RPGR: variants seen among roughly 807,000 people sequenced by gnomAD.
RPGR encodes retinitis pigmentosa GTPase regulator.
RPGR carries 10 observed loss-of-function variants against 56.3 expected under a neutral mutation model. The ratio of observed to expected loss-of-function variants is 0.18; its 90% confidence interval spans 0.11 to 0.30. The LOEUF (loss-of-function observed/expected upper bound fraction) is 0.30. Among genes scored for constraint, RPGR ranks in the 10% least tolerant of loss-of-function variants. The pLI, the probability that RPGR is intolerant of heterozygous loss-of-function variation, is 1.00. For synonymous variants in RPGR, 197 were observed against 212.9 expected (o/e 0.93, Z 0.65); for missense variants, 538 against 590.9 (o/e 0.91, Z 0.93).
At chrX:38,303,126 T>C (rs1274501533) in intron 8 of RPGR, among the ~76,000 whole-genome samples, 7 of 111,663 alleles carry the variant, frequency 6.3e-5, no homozygotes, top group Non-Finnish European at 1.1e-4. Context: ...CTGATTTCTT[T>C]ACCCAAATGT....
chrX:38,323,624 G>T, intron 1 of RPGR, 100 bp from the exon 2 acceptor site: 1 of 936,556 alleles, frequency 1.1e-6, no homozygotes, highest in Non-Finnish European at 1.5e-6. Context: ...CTTGTCTCAT[G>T]ACAGCTTTGC....
chrX:38,304,618 G>T lies in RPGR; in HGVS notation c.934+17C>A. 8.7e-7 allele frequency: 1 copy of T among 1,153,723 alleles called. No homozygotes were observed. The stretch of plus-strand genomic sequence containing the variant: ...TACCCAGTTCTATAAATATATAACA[G>T]AAATTCTAATCCATACCTGTTATCA... On this transcript the variant is annotated intron_variant, in intron 8 of 18. Transcript: ENST00000642395.
chrX:38,327,052 C>G (rs2068060493), intron 1 of RPGR: 1 of 311,316 alleles, frequency 3.2e-6, no homozygotes, highest in Admixed American at 6.2e-5. Context: ...AGTGAAACTC[C>G]GTCTCATAAA....
At chrX:38,286,730 C>G in intron 15 of RPGR, 1 of 1,156,438 alleles carries the variant, frequency 8.6e-7, no homozygotes, top group South Asian at 1.9e-5. Flanking sequence ...TCTCCTTCCT[C>G]TTTCCCTTCT....
At chrX:38,275,897 G>A (rs938114383) in intron 16 of RPGR, among the ~76,000 whole-genome samples, 6 of 111,737 alleles carry the variant, frequency 5.4e-5, no homozygotes, top group African/African-American at 2.0e-4. Flanking sequence ...TCAGTACAAC[G>A]TCATTCACTT....
intron 15 of RPGR, among the ~76,000 whole-genome samples, chrX:38,281,392 T>C (rs1203842011): frequency 8.9e-6 from 1 of 112,720 alleles, no homozygotes; most frequent in Non-Finnish European, 1.9e-5. Context: ...GGGGCATTTA[T>C]TGACTAATGT....
At chrX:38,301,498 C>A in intron 8 of RPGR, 127 bp from the exon 9 acceptor site, 1 of 574,560 alleles carries the variant, frequency 1.7e-6, no homozygotes, top group Non-Finnish European at 2.8e-6. Context: ...CTTGAATTTA[C>A]TCTATTGATC....
At chrX:38,309,615 G>A (rs2067672287) in intron 7 of RPGR, among the ~76,000 whole-genome samples, 1 of 112,358 alleles carries the variant, frequency 8.9e-6, no homozygotes, top group African/African-American at 3.2e-5. Context: ...ATCACCTGAG[G>A]TCAGGAGTTT....
intron 3 of RPGR, among the ~76,000 whole-genome samples, chrX:38,322,076 A>G (rs1413078329): frequency 2.7e-5 from 3 of 111,983 alleles, no homozygotes; most frequent in Non-Finnish European, 5.6e-5. Context: ...TACTTTTTGA[A>G]CACATGGAAT....
rs2066944218 is a variant in RPGR, at chrX:38,276,781, A to C, written c.1906-9T>G. The C allele has an allele frequency of 8.4e-7, 1 of 1,190,218 alleles. No individual in the cohort carries two copies. Among genetic ancestry groups the C allele is most frequent in the Non-Finnish European group, 1.1e-6 (1 of 876,737 alleles). On this transcript the variant is annotated splice_polypyrimidine_tract_variant and intron_variant, in intron 15 of 18. Transcript: ENST00000642395. The stretch of plus-strand genomic sequence containing the variant: ...TTAGAAAATTCATGATCCTGTGACA[A>C]AATTGACCATCAGAGAAGAGTAAGA...
At chrX:38,304,912 A>G (rs2067568221) in intron 7 of RPGR, 122 bp from the exon 8 acceptor site, 2 of 588,029 alleles carry the variant, frequency 3.4e-6, no homozygotes, top group Non-Finnish European at 5.6e-6. Context: ...TGGGGAAAAA[A>G]AAACATTTAA....
chrX:38,288,458 A>G (rs1166346413), intron 13 of RPGR, among the ~76,000 whole-genome samples: 1 of 111,953 alleles, frequency 8.9e-6, no homozygotes, highest in Admixed American at 9.4e-5. Context: ...TAATCCCAGT[A>G]CTTTAAGAGG....
chrX:38,301,155 T>C (rs1425847635), intron 9 of RPGR, 92 bp downstream of exon 9: 3 of 813,131 alleles, frequency 3.7e-6, no homozygotes, highest in Non-Finnish European at 5.2e-6. Flanking sequence ...TACTCTTCCA[T>C]ACAAACATAA....
At chrX:38,303,158 A>G (rs2067534923) in intron 8 of RPGR, among the ~76,000 whole-genome samples, 2 of 110,946 alleles carry the variant, frequency 1.8e-5, no homozygotes, top group South Asian at 7.6e-4. Context: ...TGCCTTTTAA[A>G]TTTGATTGTC....
chrX:38,320,882 C>T (rs911605114), intron 4 of RPGR, 145 bp downstream of exon 4: 15 of 498,605 alleles, frequency 3.0e-5, no homozygotes, highest in South Asian at 8.7e-5. Flanking sequence ...CAAAGGCAAA[C>T]GTGTACTAGC....
In RPGR at chrX:38,269,319, T is replaced by C. The variant is rs1188531368; in HGVS notation, c.*307A>G. ...AAAATTATAAAGAAGTAAAATTGTT[T>C]AGTAAAAACTAGGAAATATCTTATT... is the stretch of plus-strand genomic sequence containing the variant. On this transcript the variant is annotated 3_prime_UTR_variant, in exon 19 of 19. Coordinates refer to ENST00000642395, the MANE Select transcript of RPGR (RefSeq NM_000328.3). 6.6e-6 allele frequency: 1 copy of C among 150,610 alleles called. No individual in the cohort carries two copies. The highest frequency in any genetic ancestry group is 3.1e-5 in the African/African-American group (1 of 32,312). 12.4% of individuals were successfully genotyped at this position (150,610 alleles called of 1,213,427 possible).
At chrX:38,290,797 A>C (rs2067264460) in intron 13 of RPGR, among the ~76,000 whole-genome samples, 162 bp downstream of exon 13, 1 of 111,362 alleles carries the variant, frequency 9.0e-6, no homozygotes, top group South Asian at 3.7e-4. Flanking sequence ...ACATACCATC[A>C]GAACAAGGCA....
chrX:38,285,429 C>A, intron 15 of RPGR: 4 of 1,137,750 alleles, frequency 3.5e-6, no homozygotes. Context: ...TTTTTTACTA[C>A]ACATAAAATA....
chrX:38,279,227 G>A (rs1331204624), intron 15 of RPGR: 1 of 328,683 alleles, frequency 3.0e-6, no homozygotes, highest in East Asian at 9.7e-5. Flanking sequence ...TAAAAAGAAA[G>A]AGTAAAGTTT....
Sources: gnomAD v4.1 joint callset for allele counts (sites outside exome capture counted in the v4.1 genomes callset) on GRCh38, gnomAD v4.1.1 for gene constraint, MANE v1.5 for transcripts, NCBI Gene and HGNC (gene_info 2026-07-23, HGNC 2026-07-21) for gene names.